ADGB: variants seen among roughly 807,000 people sequenced by gnomAD.
ADGB encodes the protein calpain-7-like protein.
In ADGB, 172 loss-of-function variants were observed where a neutral mutation model predicts 210.5. The observed-to-expected ratio is 0.82, with a 90% CI of 0.72 to 0.93. ADGB has a LOEUF of 0.93. Ranked by LOEUF, ADGB falls within the 40% of genes least tolerant of loss-of-function variation. The pLI is 0.00. For missense variants in ADGB, 2,025 were observed against 1,964.8 expected (o/e 1.03, Z -0.58); for synonymous variants, 658 against 662.7 (o/e 0.99, Z 0.11).
chr6:146,767,498 A>G (rs1340127187), intron 28 of ADGB, among the ~76,000 whole-genome samples: 3 of 152,014 alleles, frequency 2.0e-5, no homozygotes, highest in African/African-American at 7.2e-5. Flanking sequence ...CTTTTTTGAG[A>G]CAGAGTCTCA....
intron 1 of ADGB, 105 bp from the exon 2 acceptor site, chr6:146,635,270 G>T: frequency 9.6e-7 from 1 of 1,044,782 alleles, no homozygotes; most frequent in Non-Finnish European, 1.3e-6. Context: ...AATGTAGTTA[G>T]TATGACTCAG....
At chr6:146,776,565 T>TGCCTGACA (rs1777725453) in intron 29 of ADGB, among the ~76,000 whole-genome samples, 1 of 152,190 alleles carries the variant, frequency 6.6e-6, no homozygotes, top group African/African-American at 2.4e-5. Context: ...ACCTGCCGTG[T>TGCCTGACA]GCCTGACATT....
At chr6:146,785,544 T>G in intron 31 of ADGB, 66 bp from the exon 32 acceptor site, 13 of 1,224,592 alleles carry the variant, frequency 1.1e-5, no homozygotes, top group Non-Finnish European at 1.5e-5. Flanking sequence ...ACCATTAACA[T>G]GTATTACCTG....
At chr6:146,603,571 A>G (rs1022264931) in intron 1 of ADGB, among the ~76,000 whole-genome samples, 1 of 152,242 alleles carries the variant, frequency 6.6e-6, no homozygotes, top group African/African-American at 2.4e-5. Flanking sequence ...CTGTTAAACT[A>G]ACAGGAACCA....
Position 146,784,692 on chromosome 6 carries a change from T to C in ADGB, c.4110T>C (p.Asn1370=), listed in dbSNP as rs1033497976. 10 of 1,551,224 alleles carry C rather than the reference T, an allele frequency of 6.4e-6. No homozygotes were observed. The highest frequency in any genetic ancestry group is 7.8e-6 in the Non-Finnish European group (9 of 1,146,804). The change falls in exon 31 of 36, where the codon AAT becomes AAC. Residue 1370 remains asparagine (N), a synonymous_variant. Transcript: ENST00000397944. ...YWILRLVTEH[N]ESELFEVKKD... ...TTTTGAGGTTGGTCACTGAACACAA[T>C]GAATCAGAATTATTTGAAGTGAAAA...
At chr6:146,640,659 A>G (rs2114864925) in intron 2 of ADGB, among the ~76,000 whole-genome samples, 1 of 152,108 alleles carries the variant, frequency 6.6e-6, no homozygotes, top group South Asian at 2.1e-4. Flanking sequence ...AAAGACAAAA[A>G]CCACATGAAT....
chr6:146,697,913 A>G (rs576714471), intron 12 of ADGB, among the ~76,000 whole-genome samples: 124 of 152,214 alleles, frequency 8.1e-4, no homozygotes, highest in Non-Finnish European at 1.5e-3. Flanking sequence ...AAAGACTGCT[A>G]TACAAAGCAA....
chr6:146,800,627 T>G (rs638144), intron 33 of ADGB, among the ~76,000 whole-genome samples: 113,059 of 152,072 alleles, frequency 0.74, 43,128 homozygotes, highest in African/African-American at 0.93. Flanking sequence ...CTCGATACTG[T>G]TCTATGGATT....
chr6:146,652,996 T>G (rs1057087833), intron 3 of ADGB, among the ~76,000 whole-genome samples: 1 of 152,152 alleles, frequency 6.6e-6, no homozygotes, highest in African/African-American at 2.4e-5. Flanking sequence ...AAGCAAGGCT[T>G]CATCTGTACT....
chr6:146,683,269 T>C (rs1297668691), intron 9 of ADGB, among the ~76,000 whole-genome samples: 2 of 152,114 alleles, frequency 1.3e-5, no homozygotes, highest in Non-Finnish European at 2.9e-5. Flanking sequence ...AAGCAGTTAG[T>C]GTGCACACAG....
intron 1 of ADGB, among the ~76,000 whole-genome samples, chr6:146,611,235 G>A (rs959390839): frequency 2.0e-5 from 3 of 151,926 alleles, no homozygotes; most frequent in South Asian, 2.1e-4. Flanking sequence ...AGGCCGGGCA[G>A]GGACTTTTGG....
At chr6:146,684,294 T>C (rs917428694) in intron 9 of ADGB, among the ~76,000 whole-genome samples, 1 of 152,150 alleles carries the variant, frequency 6.6e-6, no homozygotes, top group Admixed American at 6.6e-5. Flanking sequence ...TTTTTAAAAT[T>C]TTATCCATTT....
In ADGB at chr6:146,741,210, C is replaced by T; in HGVS notation, c.3116C>T (p.Thr1039Ile). 1 of 1,551,052 alleles carries T rather than the reference C, an allele frequency of 6.4e-7. No homozygotes were observed. Among genetic ancestry groups the T allele is most frequent in the South Asian group, 1.2e-5 (1 of 84,026 alleles). Residue 1039 changes from threonine to isoleucine, a missense_variant, in exon 25 of 36, where the codon ACA becomes ATA. Physicochemically the swap from Thr to Ile is moderately conservative, Grantham distance 89 (BLOSUM62 -1). Coordinates refer to ENST00000397944, the MANE Select transcript of ADGB (RefSeq NM_024694.4). ...ICILHIVNND[T>I]MEQVPKVFQK... ...ATCCTACACATTGTTAATAATGACA[C>T]AATGGAGCAAGTGCCAAAGGTGTTC...
At chr6:146,795,690 G>T (rs1415152459) in intron 33 of ADGB, among the ~76,000 whole-genome samples, 1 of 152,154 alleles carries the variant, frequency 6.6e-6, no homozygotes, top group Non-Finnish European at 1.5e-5. Context: ...CTTATACATT[G>T]TTGGTGGGAG....
intron 5 of ADGB, among the ~76,000 whole-genome samples, chr6:146,663,494 G>C (rs1451249825): frequency 6.6e-6 from 1 of 151,694 alleles, no homozygotes; most frequent in Non-Finnish European, 1.5e-5. Context: ...CCATTCATGA[G>C]GGCTTTACCC....
intron 9 of ADGB, 73 bp downstream of exon 9, chr6:146,676,514 G>C: frequency 1.7e-6 from 2 of 1,184,180 alleles, no homozygotes; most frequent in South Asian, 6.3e-5. Context: ...TTGGAACATA[G>C]AAATACATTT....
chr6:146,699,517 C>T (rs1165260800), intron 12 of ADGB, among the ~76,000 whole-genome samples: 2 of 152,038 alleles, frequency 1.3e-5, no homozygotes, highest in African/African-American at 4.8e-5. Flanking sequence ...TGATGACACC[C>T]ATCTACATTG....
At chr6:146,780,047 TTATACA>T (rs766134373) in intron 29 of ADGB, among the ~76,000 whole-genome samples, 114 of 152,098 alleles carry the variant, frequency 7.5e-4, no homozygotes, top group Admixed American at 3.9e-3. Flanking sequence ...TTGATGGGCT[TTATACA>T]TATACATATG....
At chr6:146,660,437 T>G (rs1421070790) in intron 5 of ADGB, among the ~76,000 whole-genome samples, 1 of 152,126 alleles carries the variant, frequency 6.6e-6, no homozygotes. Context: ...AATGATTTAT[T>G]TATATCCTCC....
Sources: allele counts gnomAD v4.1 joint callset (sites outside exome capture counted in the v4.1 genomes callset), GRCh38; gene constraint gnomAD v4.1.1; transcripts MANE v1.5; gene names NCBI Gene and HGNC (gene_info 2026-07-23, HGNC 2026-07-21).